The following NR3C2 variants were observed in gnomAD, a reference collection of about 807,000 sequenced individuals.
NR3C2 encodes nuclear receptor subfamily 3 group C member 2, also known as mineralocorticoid receptor.
Under a neutral mutation model 86.4 loss-of-function variants are expected in NR3C2, and 15 were observed. The ratio of observed to expected loss-of-function variants is 0.17; its 90% confidence interval spans 0.12 to 0.27. The LOEUF is 0.27. Ranked by LOEUF, NR3C2 falls within the 10% of genes least tolerant of loss-of-function variation. The pLI is 1.00. For synonymous variants in NR3C2, 458 were observed against 450.5 expected (o/e 1.02, Z -0.21); for missense variants, 960 against 1,195.6 (o/e 0.80, Z 2.91).
intron 2 of NR3C2, among the ~76,000 whole-genome samples, chr4:148,423,901 C>T (rs72645607): frequency 2.1e-3 from 322 of 152,242 alleles, no homozygotes; most frequent in African/African-American, 7.3e-3. Flanking sequence ...TTGGTAGAGA[C>T]GGGGTTTCAC....
intron 2 of NR3C2, among the ~76,000 whole-genome samples, chr4:148,405,219 A>G (rs1421972041): frequency 6.6e-6 from 1 of 152,236 alleles, no homozygotes; most frequent in African/African-American, 2.4e-5. Context: ...TAGTCTCACC[A>G]TAGGGCTACA....
chr4:148,346,139 T>C (rs10857231), intron 2 of NR3C2, among the ~76,000 whole-genome samples: 46,444 of 151,960 alleles, frequency 0.31, 7,897 homozygotes, highest in African/African-American at 0.45. Context: ...GAAATGACCC[T>C]TGATGGATAC....
At chr4:148,306,832 T>C (rs758086777) in intron 2 of NR3C2, among the ~76,000 whole-genome samples, 24 of 152,180 alleles carry the variant, frequency 1.6e-4, no homozygotes, top group Non-Finnish European at 3.2e-4. Context: ...CACATATATC[T>C]TATGGGGCAA....
chr4:148,375,434 C>T (rs191859788), intron 2 of NR3C2, among the ~76,000 whole-genome samples: 5 of 148,324 alleles, frequency 3.4e-5, no homozygotes, highest in African/African-American at 7.5e-5. Flanking sequence ...CTGGCCTGGG[C>T]GACAGAGCAA....
Position 148,081,342 on chromosome 4 carries a change from A to T in NR3C2, c.*2T>A. The T allele has an allele frequency of 6.2e-7, 1 of 1,614,218 alleles. No homozygotes were observed. The highest frequency in any genetic ancestry group is 8.5e-7 in the Non-Finnish European group (1 of 1,180,026). ...GGCAAAGTTCTTCTGGGCAGCGGGC[A>T]GTCACTTCCGGTGGAAGTAGAGCGG... On this transcript the variant is annotated 3_prime_UTR_variant, in exon 9 of 9. Coordinates refer to ENST00000358102, the MANE Select transcript of NR3C2 (RefSeq NM_000901.5).
At chr4:148,152,653 A>T in intron 5 of NR3C2, 40 bp from the exon 6 acceptor site, 2 of 1,600,140 alleles carry the variant, frequency 1.2e-6, no homozygotes, top group South Asian at 2.2e-5. Flanking sequence ...TACACTTAGC[A>T]TTTAAGTACA....
At position 148,329,229 on chromosome 4, in the gene NR3C2, G is replaced by T. The variant is rs545535237; in HGVS notation, c.1758-69112C>A. Among the ~76,000 whole-genome samples, 5 of 152,278 alleles carry T rather than the reference G, an allele frequency of 3.3e-5. No homozygotes were observed. In the South Asian group the frequency reaches 1.0e-3, roughly 32 times the overall value. ...CAGAATTTTCCAATGTAAGAACCATGAGTGTTGTGTATTTATCTTTTATGC... is the reference window on the plus strand; with the variant it reads ...CAGAATTTTCCAATGTAAGAACCATTAGTGTTGTGTATTTATCTTTTATGC... On this transcript the variant is annotated intron_variant, in intron 2 of 8. Coordinates refer to ENST00000358102, the MANE Select transcript of NR3C2 (RefSeq NM_000901.5).
chr4:148,401,977 G>C (rs1297818580), intron 2 of NR3C2, among the ~76,000 whole-genome samples: 3 of 152,140 alleles, frequency 2.0e-5, no homozygotes, highest in Non-Finnish European at 2.9e-5. Context: ...GTTACAGTCT[G>C]AGGTAGGTCC....
chr4:148,130,197 A>G (rs543612866), intron 6 of NR3C2, among the ~76,000 whole-genome samples: 85 of 152,260 alleles, frequency 5.6e-4, no homozygotes, highest in Non-Finnish European at 8.8e-4. Flanking sequence ...TAGTTTTGGT[A>G]CCCTAAAGGG....
Position 148,322,462 on chromosome 4 carries a change from C to T in NR3C2, c.1758-62345G>A, listed in dbSNP as rs1030600962. 3.2e-4 allele frequency among the ~76,000 whole-genome samples: 35 copies of T among 111,054 alleles called. 6 individuals carry two copies. The highest frequency in any genetic ancestry group is 1.5e-3 in the African/African-American group (34 of 22,194). The allele number at this position is 111,054 out of a possible 152,430, so 72.9% of individuals were successfully genotyped here. ...TTGGGGAAGTTCTCCTGGATAATAT[C>T]CTGCAGAGTGCTTTCCAACTTGGTT... is the stretch of plus-strand genomic sequence containing the variant. On this transcript the variant is annotated intron_variant, in intron 2 of 8. Coordinates refer to ENST00000358102, the MANE Select transcript of NR3C2 (RefSeq NM_000901.5).
intron 2 of NR3C2, among the ~76,000 whole-genome samples, chr4:148,317,870 TTC>T (rs1469080178): frequency 7.0e-6 from 1 of 143,018 alleles, no homozygotes; most frequent in Non-Finnish European, 1.6e-5. Flanking sequence ...TTAAGCTGTT[TTC>T]TTTTTCTTTT....
chr4:148,207,819 G>A (rs1737079609), intron 3 of NR3C2, among the ~76,000 whole-genome samples: 1 of 152,130 alleles, frequency 6.6e-6, no homozygotes, highest in Non-Finnish European at 1.5e-5. Flanking sequence ...TATATACTGT[G>A]TTTTCCTATA....
chr4:148,336,006 T>C (rs977669029), intron 2 of NR3C2, among the ~76,000 whole-genome samples: 1 of 152,182 alleles, frequency 6.6e-6, no homozygotes, highest in African/African-American at 2.4e-5. Flanking sequence ...ATTTTTGTTT[T>C]GTGACCTTCC....
At chr4:148,308,081 C>T (rs1218103677) in intron 2 of NR3C2, among the ~76,000 whole-genome samples, 1 of 151,992 alleles carries the variant, frequency 6.6e-6, no homozygotes, top group Non-Finnish European at 1.5e-5. Context: ...ATCTTTACTA[C>T]CAAACATTTA....
chr4:148,181,333 G>C (rs1735634383), intron 4 of NR3C2, among the ~76,000 whole-genome samples: 1 of 152,116 alleles, frequency 6.6e-6, no homozygotes, highest in African/African-American at 2.4e-5. Flanking sequence ...GGACTAATTA[G>C]GATCCTTACA....
At chr4:148,371,244 C>T (rs1169323189) in intron 2 of NR3C2, among the ~76,000 whole-genome samples, 1 of 152,162 alleles carries the variant, frequency 6.6e-6, no homozygotes, top group Non-Finnish European at 1.5e-5. Flanking sequence ...TTACTATAGT[C>T]ACCCCATTGT....
At chr4:148,348,560 G>A (rs1201945418) in intron 2 of NR3C2, among the ~76,000 whole-genome samples, 1 of 151,964 alleles carries the variant, frequency 6.6e-6, no homozygotes, top group African/African-American at 2.4e-5. Flanking sequence ...CTGCCTTTTT[G>A]TATAGCATGA....
At chr4:148,433,635 C>T (rs546352593) in intron 2 of NR3C2, among the ~76,000 whole-genome samples, 2 of 152,270 alleles carry the variant, frequency 1.3e-5, no homozygotes, top group South Asian at 4.1e-4. Flanking sequence ...TCCCCTTATA[C>T]AGTTGAGAAA....
intron 2 of NR3C2, among the ~76,000 whole-genome samples, chr4:148,433,022 T>A (rs182703311): frequency 2.0e-4 from 31 of 152,242 alleles, no homozygotes; most frequent in Non-Finnish European, 1.3e-4. Context: ...TATTAACAAA[T>A]ACATAAGGAA....
Sources: allele counts gnomAD v4.1 joint callset (sites outside exome capture counted in the v4.1 genomes callset), GRCh38; gene constraint gnomAD v4.1.1; transcripts MANE v1.5; gene names NCBI Gene and HGNC (gene_info 2026-07-23, HGNC 2026-07-21).